Variants in MYOM1 observed in about 807,000 individuals in gnomAD.
MYOM1 encodes myomesin 1, also known as myomesin-1.
A neutral mutation model predicts 205.3 loss-of-function variants in MYOM1; 164 were observed. The ratio of observed to expected loss-of-function variants is 0.80; its 90% CI spans 0.70 to 0.91. MYOM1 has a LOEUF of 0.91. Among genes scored for constraint, MYOM1 ranks in the 40% least tolerant of loss-of-function variants. MYOM1 has a pLI of 0.00. For missense variants in MYOM1, 2,011 were observed against 2,127.3 expected (o/e 0.95, Z 1.08); for synonymous variants, 772 against 789.4 (o/e 0.98, Z 0.37).
At chr18:3,170,753 C>T (rs546081684) in intron 8 of MYOM1, among the ~76,000 whole-genome samples, 2 of 152,078 alleles carry the variant, frequency 1.3e-5, no homozygotes, top group African/African-American at 2.4e-5. Context: ...AAATCTATGC[C>T]GTAGATACTA....
intron 36 of MYOM1, among the ~76,000 whole-genome samples, chr18:3,073,682 T>C (rs1288983015): frequency 1.3e-5 from 2 of 152,170 alleles, no homozygotes; most frequent in Admixed American, 6.5e-5. Flanking sequence ...TTTTAACCAA[T>C]CGAATGTTGC....
At chr18:3,140,458 A>G (rs2080032839) in intron 14 of MYOM1, among the ~76,000 whole-genome samples, 2 of 152,102 alleles carry the variant, frequency 1.3e-5, no homozygotes, top group South Asian at 4.1e-4. Context: ...TTTGAAGCTG[A>G]TATCTGGAAA....
chr18:3,089,339 G>T, intron 28 of MYOM1, 98 bp from the exon 29 acceptor site: 1 of 993,718 alleles, frequency 1.0e-6, no homozygotes, highest in Non-Finnish European at 1.5e-6. Flanking sequence ...TCTGAAGTCA[G>T]ATTTTTAAAA....
Position 3,214,968 on chromosome 18 carries a change from C to T in MYOM1, c.256G>A (p.Ala86Thr). ...HALSSEVSRK[A>T]ASAYDYGSSH... ...GAGCCATAATCGTAGGCTGAGGCTG[C>T]CTTCCGACTGACTTCAGAGCTCAGG... Residue 86 changes from alanine to threonine, a missense_variant, in exon 2 of 38, where the codon GCA becomes ACA. Ala to Thr is a moderately conservative substitution (Grantham distance 58). Transcript: ENST00000356443. 1 of 1,608,566 alleles carries T rather than the reference C, an allele frequency of 6.2e-7. No individual in the cohort carries two copies. Among genetic ancestry groups the T allele is most frequent in the African/African-American group, 1.3e-5 (1 of 74,912 alleles).
At chr18:3,178,228 C>T (rs1224985075) in intron 5 of MYOM1, among the ~76,000 whole-genome samples, 2 of 152,242 alleles carry the variant, frequency 1.3e-5, no homozygotes, top group Non-Finnish European at 2.9e-5. Flanking sequence ...AGGCAATGCT[C>T]TAAGCGCTTT....
chr18:3,240,792 T>C, the MYOM1 span, among the ~76,000 whole-genome samples: 149 of 152,316 alleles, frequency 9.8e-4, 1 homozygote, highest in Admixed American at 1.6e-3. Flanking sequence ...AGAGACTAGT[T>C]GAATGGCTTT....
At chr18:3,091,083 A>G (rs549436312) in intron 26 of MYOM1, among the ~76,000 whole-genome samples, 1 of 152,258 alleles carries the variant, frequency 6.6e-6, no homozygotes, top group South Asian at 2.1e-4. Flanking sequence ...TGGGAGGCTG[A>G]GGTGGGCAGA....
rs2079137080 is a variant in MYOM1 at position 3,085,218 on chromosome 18, T to C, written c.4252-86A>G. On this transcript the variant is annotated intron_variant, in intron 30 of 37. Transcript: ENST00000356443. ...ATTTTTTTTTTTCTTCTGCTTCTTC[T>C]GCTGCTGCTGCTTTTTTTTTTTTTT... 3 of 535,926 alleles carry C rather than the reference T, an allele frequency of 5.6e-6. No homozygotes were observed. The South Asian group carries it at 7.8e-5, about 14-fold the overall frequency. The allele number at this position is 535,926 out of a possible 1,614,324, so 33.2% of individuals were successfully genotyped here. A position where few individuals can be genotyped will look rare whatever the true frequency, so the allele number is the denominator to read the frequency against.
chr18:3,172,285 C>T (rs1314012366), intron 8 of MYOM1, among the ~76,000 whole-genome samples: 3 of 152,146 alleles, frequency 2.0e-5, no homozygotes, highest in Non-Finnish European at 4.4e-5. Context: ...CAACTGCATT[C>T]AATTCGGGGG....
At chr18:3,187,693 G>T in intron 4 of MYOM1, 56 bp from the exon 5 acceptor site, 1 of 1,462,304 alleles carries the variant, frequency 6.8e-7, no homozygotes, top group Non-Finnish European at 9.2e-7. Context: ...AAATCAAAGT[G>T]AATTTTGGTG....
intron 33 of MYOM1, among the ~76,000 whole-genome samples, chr18:3,083,586 G>A (rs2079113590): frequency 7.4e-6 from 1 of 134,692 alleles, no homozygotes; most frequent in Non-Finnish European, 1.6e-5. Flanking sequence ...CTGCCACTGC[G>A]CCCAGCTCAT....
intron 21 of MYOM1, among the ~76,000 whole-genome samples, chr18:3,112,711 A>C (rs952475608): frequency 2.0e-5 from 3 of 152,252 alleles, no homozygotes; most frequent in African/African-American, 7.2e-5. Flanking sequence ...AGACTAGTGT[A>C]CGTAGGTGTC....
chr18:3,239,187 C>G, the MYOM1 span, among the ~76,000 whole-genome samples: 2 of 152,110 alleles, frequency 1.3e-5, no homozygotes, highest in Non-Finnish European at 2.9e-5. Flanking sequence ...CTTGATGATG[C>G]AGGAGAGGGC....
intron 29 of MYOM1, among the ~76,000 whole-genome samples, chr18:3,087,603 C>T (rs2079168910): frequency 6.6e-6 from 1 of 151,476 alleles, no homozygotes; most frequent in South Asian, 2.1e-4. Flanking sequence ...GATTCTCCTG[C>T]CTCAGCCTGC....
chr18:3,112,454 C>T, intron 21 of MYOM1, 42 bp from the exon 22 acceptor site: 1 of 1,481,166 alleles, frequency 6.8e-7, no homozygotes, highest in East Asian at 2.3e-5. Context: ...TTTGATGAAG[C>T]AGTGGCTGTT....
intron 13 of MYOM1, among the ~76,000 whole-genome samples, chr18:3,148,844 CAAAAAAAAAAAAAAAA>C (rs71159049): frequency 0.011 from 536 of 47,990 alleles, 6 homozygotes; most frequent in African/African-American, 0.036. Context: ...AGACTCCATC[CAAAAAAAAAAAAAAAA>C]AAAAAAAAAA....
At chr18:3,136,131 C>CT (rs2143914524) in intron 14 of MYOM1, among the ~76,000 whole-genome samples, 1 of 132,906 alleles carries the variant, frequency 7.5e-6, no homozygotes, top group African/African-American at 2.9e-5. Flanking sequence ...TTCTGTCTTG[C>CT]CTGCCACCGT....
At chr18:3,241,188 G>A in the MYOM1 span, among the ~76,000 whole-genome samples, 1 of 152,248 alleles carries the variant, frequency 6.6e-6, no homozygotes, top group African/African-American at 2.4e-5. Flanking sequence ...ACGAGGAGGT[G>A]AATGTTAATC....
chr18:3,099,066 GCTCCGGC>G (rs1455771598), intron 25 of MYOM1, among the ~76,000 whole-genome samples: 1 of 151,972 alleles, frequency 6.6e-6, no homozygotes, highest in East Asian at 1.9e-4. Context: ...TGATCCTCTC[GCTCCGGC>G]CTCCCAAAGT....
Sources: gnomAD v4.1 joint callset for allele counts (sites outside exome capture counted in the v4.1 genomes callset) on GRCh38, gnomAD v4.1.1 for gene constraint, MANE v1.5 for transcripts, NCBI Gene and HGNC (gene_info 2026-07-23, HGNC 2026-07-21) for gene names.